The following RAC3 variants were observed in gnomAD, a reference collection of about 807,000 sequenced individuals.
RAC3 encodes the protein Rac family small GTPase 3.
RAC3 carries 9 observed loss-of-function variants against 19.0 expected under a neutral mutation model. The ratio of observed to expected loss-of-function variants is 0.47; its 90% CI spans 0.29 to 0.83. The LOEUF (loss-of-function observed/expected upper bound fraction) is 0.83. Among genes scored for constraint, RAC3 ranks in the 40% least tolerant of loss-of-function variants. The pLI, the probability that RAC3 is intolerant of heterozygous loss-of-function variation, is 0.09. For missense variants in RAC3, 203 were observed against 260.8 expected, an observed-to-expected ratio of 0.78 and a Z score of 1.53; for synonymous variants, 146 against 111.8, an observed-to-expected ratio of 1.31 and a Z score of -1.93.
chr17:82,033,083 G>A lies in RAC3; in HGVS notation c.288+74G>A, dbSNP rs2144159084. ...CTGCCCCGACAAGTTGTCCTTTAGA[G>A]GCAATTGCGATACGGGTTCTGCCTG... On this transcript the variant is annotated intron_variant, in intron 4 of 5. Transcript: ENST00000306897. This position sits in a 1 kb window ranked among gnomAD's most constrained non-coding sequence, Gnocchi z 6.2. 2.1e-6 allele frequency: 3 copies of A among 1,427,402 alleles called. No homozygotes were observed. The highest frequency in any genetic ancestry group is 1.8e-4 in the Middle Eastern group (1 of 5,538). The allele number at this position is 1,427,402 out of a possible 1,614,324, so 88.4% of individuals were successfully genotyped here.
In RAC3 at chr17:82,033,119, A is replaced by G; in HGVS notation, c.288+110A>G. 7 of 1,249,448 alleles carry G rather than the reference A, an allele frequency of 5.6e-6. No individual in the cohort carries two copies. Among genetic ancestry groups the G allele is most frequent in the Non-Finnish European group, 8.0e-6 (7 of 869,628 alleles). 77.4% of individuals were successfully genotyped at this position (1,249,448 alleles called of 1,614,324 possible). A position where few individuals can be genotyped will look rare whatever the true frequency, so the allele number is the denominator to read the frequency against. ...TACGGGTTCTGCCTGGGGTAGGCAC[A>G]CGGAGTGGGGTCTGAAGATGACCAT... is the stretch of plus-strand genomic sequence containing the variant. On this transcript the variant is annotated intron_variant, in intron 4 of 5. Transcript: ENST00000306897. This position sits in a 1 kb window ranked among gnomAD's most constrained non-coding sequence, Gnocchi z 6.2.
chr17:82,033,038 G>T lies in RAC3; in HGVS notation c.288+29G>T, dbSNP rs773275666. Reference sequence around the variant, plus strand: ...GGGCAAGGCTGGGGGCCCCTGTGGGGAGAGGGCTTGCCCCAGTACCTGCCC... The same window carrying T: ...GGGCAAGGCTGGGGGCCCCTGTGGGTAGAGGGCTTGCCCCAGTACCTGCCC... On this transcript the variant is annotated intron_variant, in intron 4 of 5. Transcript: ENST00000306897. This position sits in a 1 kb window ranked among gnomAD's most constrained non-coding sequence, Gnocchi z 6.2. 5 of 1,596,588 alleles carry T rather than the reference G, an allele frequency of 3.1e-6. No individual in the cohort carries two copies. The South Asian group carries it at 5.5e-5, about 18-fold the overall frequency.
chr17:82,033,289 CCACCAAATCCGCCCCTGGT>C lies in RAC3; in HGVS notation c.289-146_289-128del. Reference sequence around the variant, plus strand: ...CTGCGTGTTTGTTCCTGGTATCTCCCCACCAAATCCGCCCCTGGTCACCCCTTGAAGGAAGAAGAGCCAA... The same window carrying C: ...CTGCGTGTTTGTTCCTGGTATCTCCCCACCCCTTGAAGGAAGAAGAGCCAA... On this transcript the variant is annotated intron_variant, in intron 4 of 5. Coordinates refer to ENST00000306897, the MANE Select transcript of RAC3 (RefSeq NM_005052.3). The surrounding 1 kb of genome is among the most constrained non-coding windows in gnomAD (Gnocchi z 6.2). 1 of 1,017,038 alleles carries C rather than the reference CCACCAAATCCGCCCCTGGT, an allele frequency of 9.8e-7. No individual in the cohort carries two copies. The allele number at this position is 1,017,038 out of a possible 1,614,324, so 63.0% of individuals were successfully genotyped here.
At chr17:82,032,522 C>T (rs992881851) in intron 2 of RAC3, 64 bp downstream of exon 2, 14 of 1,574,134 alleles carry the variant, frequency 8.9e-6, no homozygotes, top group Middle Eastern at 1.7e-4. Flanking sequence ...GGGGGGGACA[C>T]GGGCAGGGTC....
chr17:82,032,598 C>A, intron 2 of RAC3, 113 bp from the exon 3 acceptor site: 1 of 1,433,966 alleles, frequency 7.0e-7, no homozygotes, highest in South Asian at 1.2e-5. Context: ...AGCTGAGGTG[C>A]TGGCCAGAGT....
rs62078707 is a variant in RAC3 at position 82,033,395 on chromosome 17, G to A, written c.289-45G>A. Reference sequence around the variant, plus strand: ...CCGTGACTTGCTCAGGTGGGGCTGGGGTAGCCGACTCCGGGCCTAGGGATC... The same window carrying A: ...CCGTGACTTGCTCAGGTGGGGCTGGAGTAGCCGACTCCGGGCCTAGGGATC... On this transcript the variant is annotated intron_variant, in intron 4 of 5. Transcript: ENST00000306897. The surrounding 1 kb of genome is among the most constrained non-coding windows in gnomAD (Gnocchi z 6.2). The A allele has an allele frequency of 0.032, 48,865 of 1,532,700 alleles. 864 individuals are homozygous for A. The highest frequency in any genetic ancestry group is 0.038 in the Non-Finnish European group (43,284 of 1,141,308). 94.9% of individuals were successfully genotyped at this position (1,532,700 alleles called of 1,614,324 possible).
chr17:82,032,016 C>A, intron 1 of RAC3: 1 of 197,456 alleles, frequency 5.1e-6, no homozygotes, highest in Non-Finnish European at 9.9e-6. Context: ...TGCTGCCCGG[C>A]TCCCGCTTGG....
chr17:82,033,766 G>A lies in RAC3; in HGVS notation c.516G>A (p.Ala172=), dbSNP rs1257247795. 6.2e-7 allele frequency: 1 copy of A among 1,612,704 alleles called. No individual in the cohort carries two copies. The change falls in exon 6 of 6, where the codon GCG becomes GCA. Residue 172 remains alanine (A), a synonymous_variant. Transcript: ENST00000306897. This position sits in a 1 kb window ranked among gnomAD's most constrained non-coding sequence, Gnocchi z 6.2. ...GCCTGAAGACAGTGTTTGACGAGGC[G>A]ATCCGCGCGGTGCTCTGCCCGCCCC... The part of the protein sequence containing the change: ...QRGLKTVFDE[A]IRAVLCPPPV...
At position 82,033,701 on chromosome 17, in the gene RAC3, T is replaced by G; in HGVS notation, c.451T>G (p.Ser151Ala). Reference sequence around the variant, plus strand: ...TCTCCCCTCCTCACTGCCGCTAGGCTCTGTGAAATACCTGGAGTGCTCAGC... The same window carrying G: ...TCTCCCCTCCTCACTGCCGCTAGGCGCTGTGAAATACCTGGAGTGCTCAGC... Reference protein sequence around the residue: ...QGLAMAREIGSVKYLECSALT... With the variant: ...QGLAMAREIGAVKYLECSALT... Residue 151 changes from serine to alanine, a missense_variant and splice_region_variant, in exon 6 of 6, where the codon TCT becomes GCT. By Grantham distance (99) the Ser-to-Ala change is moderately conservative. Around this residue, in one of 3 missense-constraint regions of RAC3, gnomAD observed 142 missense variants for 158.2 expected, o/e 0.90. Coordinates refer to ENST00000306897, the MANE Select transcript of RAC3 (RefSeq NM_005052.3). This position sits in a 1 kb window ranked among gnomAD's most constrained non-coding sequence, Gnocchi z 6.2. 2 of 1,612,298 alleles carry G rather than the reference T, an allele frequency of 1.2e-6. No homozygotes were observed. The highest frequency in any genetic ancestry group is 8.5e-7 in the Non-Finnish European group (1 of 1,179,334).
Position 82,032,763 on chromosome 17 carries a change from G to A in RAC3, c.160G>A (p.Gly54Arg). 3.1e-6 allele frequency: 5 copies of A among 1,613,156 alleles called. No individual in the cohort carries two copies. The highest frequency in any genetic ancestry group is 4.2e-6 in the Non-Finnish European group (5 of 1,180,008). The change falls in exon 3 of 6, where the codon GGG (glycine) becomes AGG (arginine). Residue 54 changes from glycine to arginine, a missense_variant. Physicochemically the swap from Gly to Arg is moderately radical, Grantham distance 125. Transcript: ENST00000306897. ...VMVDGKPVNL[G>R]LWDTAGQEDY... ...GGTGGACGGGAAACCAGTCAACTTG[G>A]GGCTGTGGGACACAGCGGGTCAGGA...
rs865837696 is a variant in RAC3 at position 82,033,930 on chromosome 17, C to T, written c.*101C>T. On this transcript the variant is annotated 3_prime_UTR_variant, in exon 6 of 6. Transcript: ENST00000306897. This position sits in a 1 kb window ranked among gnomAD's most constrained non-coding sequence, Gnocchi z 6.2. ...GTGTCCCTGAGTCGGCTGTGGGGAG[C>T]GGTGGGGGTGGGCCGGGGGGAAGCA... 3.9e-5 allele frequency: 40 copies of T among 1,031,626 alleles called. No individual in the cohort carries two copies. The highest frequency in any genetic ancestry group is 7.3e-4 in the Middle Eastern group (2 of 2,752). The allele number at this position is 1,031,626 out of a possible 1,614,324, so 63.9% of individuals were successfully genotyped here.
Position 82,032,457 on chromosome 17 carries a change from G to A in RAC3, c.106G>A (p.Val36Ile). ...CTTCCCCGGAGAGTACATCCCCACC[G>A]TGTGAGTGTGGGGGCTTCCCGGGAG... ...NAFPGEYIPT[V>I]FDNYSANVMV... The change falls in exon 2 of 6, where the codon GTT becomes ATT. Residue 36 changes from valine to isoleucine, a missense_variant and splice_region_variant. Val to Ile is a conservative substitution (Grantham distance 29). Transcript: ENST00000306897. 1 of 1,612,838 alleles carries A rather than the reference G, an allele frequency of 6.2e-7. No homozygotes were observed. Among genetic ancestry groups the A allele is most frequent in the Non-Finnish European group, 8.5e-7 (1 of 1,179,758 alleles).
chr17:82,032,845 C>A lies in RAC3; in HGVS notation c.225+17C>A. The A allele has an allele frequency of 6.2e-7, 1 of 1,612,144 alleles. No individual in the cohort carries two copies. The highest frequency in any genetic ancestry group is 2.2e-5 in the East Asian group (1 of 44,886). ...CCCCAAACTGTACGTAACAATGGGG[C>A]CAGCCCCGGGAGCTGGGGGGGTCCC... On this transcript the variant is annotated intron_variant, in intron 3 of 5. Transcript: ENST00000306897.
In RAC3 at chr17:82,033,870, C is replaced by T. The variant is rs763154955; in HGVS notation, c.*41C>T. ...GAGCCTGAGGGCTGGCGGGGAGCAG[C>T]CCTGGACGTGTCCGCTGTTGTGTTG... On this transcript the variant is annotated 3_prime_UTR_variant, in exon 6 of 6. Transcript: ENST00000306897. This position sits in a 1 kb window ranked among gnomAD's most constrained non-coding sequence, Gnocchi z 6.2. 1.9e-5 allele frequency: 29 copies of T among 1,553,784 alleles called. No individual in the cohort carries two copies. The African/African-American group carries it at 2.2e-4, about 12-fold the overall frequency.
Position 82,033,379 on chromosome 17 carries a change from G to C in RAC3, c.289-61G>C, listed in dbSNP as rs2043452086. On this transcript the variant is annotated intron_variant, in intron 4 of 5. Transcript: ENST00000306897. This position sits in a 1 kb window ranked among gnomAD's most constrained non-coding sequence, Gnocchi z 6.2. The stretch of plus-strand genomic sequence containing the variant: ...GGAAAGTCCCTGAGGGCCGTGACTT[G>C]CTCAGGTGGGGCTGGGGTAGCCGAC... 2 of 1,495,692 alleles carry C rather than the reference G, an allele frequency of 1.3e-6. No individual in the cohort carries two copies. Among genetic ancestry groups the C allele is most frequent in the African/African-American group, 2.8e-5 (2 of 71,708 alleles). 92.7% of individuals were successfully genotyped at this position (1,495,692 alleles called of 1,614,324 possible). A position where few individuals can be genotyped will look rare whatever the true frequency, so the allele number is the denominator to read the frequency against.
Position 82,033,021 on chromosome 17 carries a change from C to A in RAC3, c.288+12C>A, listed in dbSNP as rs2043447609. 3 of 1,611,220 alleles carry A rather than the reference C, an allele frequency of 1.9e-6. No homozygotes were observed. The highest frequency in any genetic ancestry group is 2.5e-6 in the Non-Finnish European group (3 of 1,178,346). On this transcript the variant is annotated intron_variant, in intron 4 of 5. Transcript: ENST00000306897. This position sits in a 1 kb window ranked among gnomAD's most constrained non-coding sequence, Gnocchi z 6.2. ...ATGTTCGTGCCAAGGTAGGGCAAGGCTGGGGGCCCCTGTGGGGAGAGGGCT... is the reference window on the plus strand; with the variant it reads ...ATGTTCGTGCCAAGGTAGGGCAAGGATGGGGGCCCCTGTGGGGAGAGGGCT...
In RAC3 at chr17:82,031,727, T is replaced by TCGCGGCCGCGCCCGCCGCCGCCCGGCC; in HGVS notation, c.-30_-4dup. The TCGCGGCCGCGCCCGCCGCCGCCCGGCC allele has an allele frequency of 1.0e-6, 1 of 984,814 alleles. No individual in the cohort carries two copies. Among genetic ancestry groups the TCGCGGCCGCGCCCGCCGCCGCCCGGCC allele is most frequent in the Non-Finnish European group, 1.2e-6 (1 of 831,520 alleles). 61.0% of individuals were successfully genotyped at this position (984,814 alleles called of 1,614,324 possible). ...GCCGGGCATTTCTCCGCAGCTCGGC[T>TCGCGGCCGCGCCCGCCGCCGCCCGGCC]CGCGGCCGCGCCCGCCGCCGCCCGG... On this transcript the variant is annotated 5_prime_UTR_variant, in exon 1 of 6. Coordinates refer to ENST00000306897, the MANE Select transcript of RAC3 (RefSeq NM_005052.3).
At chr17:82,032,904 G>T in intron 3 of RAC3, 43 bp from the exon 4 acceptor site, 1 of 1,610,158 alleles carries the variant, frequency 6.2e-7, no homozygotes, top group East Asian at 2.2e-5. Context: ...CAGGGCCCTG[G>T]GGAGCCCCTG....
At position 82,032,852 on chromosome 17, in the gene RAC3, C is replaced by A. The variant is rs72861739; in HGVS notation, c.225+24C>A. The A allele has an allele frequency of 2.5e-6, 4 of 1,612,080 alleles. No individual in the cohort carries two copies. The African/African-American group carries it at 5.3e-5, about 22-fold the overall frequency. On this transcript the variant is annotated intron_variant, in intron 3 of 5. Transcript: ENST00000306897. ...CTGTACGTAACAATGGGGCCAGCCC[C>A]GGGAGCTGGGGGGGTCCCTGAGATC...
Sources: allele counts gnomAD v4.1 joint callset, GRCh38; gene constraint gnomAD v4.1.1; regional missense constraint gnomAD v4.1.1; non-coding constraint Gnocchi (gnomAD v3.1); transcripts MANE v1.5; gene names NCBI Gene and HGNC (gene_info 2026-07-23, HGNC 2026-07-21).